FILIP1L: variants seen among roughly 807,000 people sequenced by gnomAD.
FILIP1L encodes the protein filamin A interacting protein 1 like.
Under a neutral mutation model 96.6 loss-of-function variants are expected in FILIP1L, and 55 were observed. The observed-to-expected ratio is 0.57, with a 90% CI of 0.46 to 0.71. FILIP1L has a LOEUF of 0.71. FILIP1L is among the 30% of genes least tolerant of loss of function. The pLI is 0.00. For missense variants in FILIP1L, 1,304 were observed against 1,321.2 expected, an observed-to-expected ratio of 0.99 and a Z score of 0.20; for synonymous variants, 467 against 473.9, an observed-to-expected ratio of 0.99 and a Z score of 0.19.
intron 5 of FILIP1L, among the ~76,000 whole-genome samples, chr3:99,841,482 AACC>A (rs1474394223): frequency 1.3e-5 from 2 of 152,188 alleles, no homozygotes; most frequent in Non-Finnish European, 2.9e-5. Context: ...ATTAGCTTGT[AACC>A]ACCACAGGCA....
chr3:99,845,288 CATG>C (rs1309927039), intron 5 of FILIP1L, among the ~76,000 whole-genome samples: 2 of 152,136 alleles, frequency 1.3e-5, no homozygotes, highest in African/African-American at 2.4e-5. Context: ...ATAGAAAAAA[CATG>C]ATAAAATCAT....
At chr3:99,842,456 A>T (rs1258466506) in intron 5 of FILIP1L, among the ~76,000 whole-genome samples, 1 of 151,078 alleles carries the variant, frequency 6.6e-6, no homozygotes, top group Non-Finnish European at 1.5e-5. Flanking sequence ...GTAACCAAAC[A>T]CCACTTGTTC....
chr3:100,005,251 A>T (rs1287356838), intron 1 of FILIP1L, among the ~76,000 whole-genome samples: 2 of 152,076 alleles, frequency 1.3e-5, no homozygotes, highest in African/African-American at 4.8e-5. Flanking sequence ...TTTTTCTCAG[A>T]TTGCTCACTT....
intron 1 of FILIP1L, among the ~76,000 whole-genome samples, chr3:100,107,082 T>C (rs1291345995): frequency 6.6e-6 from 1 of 152,138 alleles, no homozygotes; most frequent in Non-Finnish European, 1.5e-5. Context: ...TCAAAATGCT[T>C]AGTGCTGCAG....
chr3:99,849,133 T>C lies in FILIP1L; in HGVS notation c.2543A>G (p.Lys848Arg), dbSNP rs1943523030. The change falls in exon 5 of 6, where the codon AAA becomes AGA. Residue 848 changes from lysine to arginine, a missense_variant. By Grantham distance (26) the Lys-to-Arg change is conservative. Transcript: ENST00000477258. ...AGGACATGGAGTAGACTGGCTGCAT[T>C]TGAAGGACAGCACAGATCCCTCATC... ...PNDEGSVLSF[K>R]CSQSTPCPVN... is the part of the protein sequence containing the mutation. 6.2e-7 allele frequency: 1 copy of C among 1,614,170 alleles called. No homozygotes were observed. Among genetic ancestry groups the C allele is most frequent in the Non-Finnish European group, 8.5e-7 (1 of 1,180,020 alleles).
intron 1 of FILIP1L, among the ~76,000 whole-genome samples, chr3:99,939,404 T>C (rs952660234): frequency 2.0e-5 from 3 of 152,192 alleles, no homozygotes; most frequent in African/African-American, 7.2e-5. Flanking sequence ...ACTCTATTCT[T>C]CTTTATTCCA....
chr3:100,082,979 T>A (rs1161124454), intron 1 of FILIP1L, among the ~76,000 whole-genome samples: 2 of 152,222 alleles, frequency 1.3e-5, no homozygotes, highest in Non-Finnish European at 2.9e-5. Context: ...GTGGTTTTAT[T>A]TAATGTTTAG....
intron 1 of FILIP1L, among the ~76,000 whole-genome samples, chr3:99,958,264 G>A (rs1392239310): frequency 2.7e-5 from 4 of 148,846 alleles, no homozygotes; most frequent in African/African-American, 9.8e-5. Flanking sequence ...AAGGTAACAT[G>A]GAGGTTTAGT....
chr3:100,015,601 C>A (rs567609566), intron 1 of FILIP1L, among the ~76,000 whole-genome samples: 1 of 152,248 alleles, frequency 6.6e-6, no homozygotes, highest in East Asian at 1.9e-4. Flanking sequence ...TTCTGATGGT[C>A]CTTGAAACCG....
At chr3:100,044,233 T>C (rs1340055572) in intron 1 of FILIP1L, among the ~76,000 whole-genome samples, 2 of 152,222 alleles carry the variant, frequency 1.3e-5, no homozygotes, top group African/African-American at 2.4e-5. Flanking sequence ...CCAGGCATTG[T>C]GATGGGCACA....
intron 4 of FILIP1L, among the ~76,000 whole-genome samples, chr3:99,884,526 G>A (rs1576546829): frequency 6.6e-6 from 1 of 152,296 alleles, no homozygotes; most frequent in East Asian, 1.9e-4. Context: ...AGAGCCTACT[G>A]TCTGTCAGTC....
chr3:99,972,565 C>G (rs996912387), intron 1 of FILIP1L, among the ~76,000 whole-genome samples: 20 of 152,140 alleles, frequency 1.3e-4, no homozygotes, highest in Non-Finnish European at 2.1e-4. Flanking sequence ...ACAGCTGCTC[C>G]CAGTCATTCT....
At chr3:100,061,108 C>A (rs2065557404) in intron 1 of FILIP1L, among the ~76,000 whole-genome samples, 1 of 151,304 alleles carries the variant, frequency 6.6e-6, no homozygotes, top group South Asian at 2.1e-4. Flanking sequence ...ACCTTTACTT[C>A]TAATCAAGGC....
intron 1 of FILIP1L, among the ~76,000 whole-genome samples, chr3:100,084,742 C>T (rs147866593): frequency 1.1e-4 from 16 of 152,230 alleles, no homozygotes; most frequent in East Asian, 5.8e-4. Flanking sequence ...ATTTGTGTTC[C>T]GAAAACTGAA....
intron 4 of FILIP1L, among the ~76,000 whole-genome samples, chr3:99,902,198 C>G (rs998287495): frequency 4.6e-5 from 7 of 152,128 alleles, no homozygotes; most frequent in African/African-American, 1.2e-4. Context: ...GTATTCGAGA[C>G]ATTCTTAGTA....
rs367848311 is a variant in FILIP1L at position 99,924,252 on chromosome 3, G to A, written c.583C>T (p.Leu195=). The A allele has an allele frequency of 3.0e-5, 49 of 1,613,708 alleles. No homozygotes were observed. The highest frequency in any genetic ancestry group is 4.2e-5 in the Non-Finnish European group (49 of 1,179,918). ...TACCTTTCACATTCCTGTTCTAGTA[G>A]GCATATGAATTCATCACTCTTCTCC... ...YMEKSDEFIC[L]LEQECERLKK... is the part of the protein sequence containing the mutation. The change falls in exon 4 of 6, where the codon CTA becomes TTA. Residue 195 remains leucine, a synonymous_variant. Coordinates refer to ENST00000477258, the MANE Select transcript of FILIP1L (RefSeq NM_001387850.1).
intron 4 of FILIP1L, among the ~76,000 whole-genome samples, chr3:99,877,236 A>G (rs1007590746): frequency 2.0e-5 from 3 of 151,838 alleles, no homozygotes. Context: ...TCCTTTTAAA[A>G]CCTCTTTTAA....
chr3:99,963,498 A>G (rs561587894), intron 1 of FILIP1L, among the ~76,000 whole-genome samples: 1 of 152,372 alleles, frequency 6.6e-6, no homozygotes, highest in East Asian at 1.9e-4. Flanking sequence ...ACTGCTTGAA[A>G]GTATTAGAAG....
At chr3:99,861,198 A>C (rs1024597029) in intron 4 of FILIP1L, among the ~76,000 whole-genome samples, 8 of 151,796 alleles carry the variant, frequency 5.3e-5, no homozygotes, top group Non-Finnish European at 7.4e-5. Context: ...CCGCCCTCCC[A>C]AAAAAAATTA....
Sources: gnomAD v4.1 joint callset for allele counts (sites outside exome capture counted in the v4.1 genomes callset) on GRCh38, gnomAD v4.1.1 for gene constraint, MANE v1.5 for transcripts, NCBI Gene and HGNC (gene_info 2026-07-23, HGNC 2026-07-21) for gene names.